PCDHGA6: variants seen among roughly 807,000 people sequenced by gnomAD.
The protein encoded by PCDHGA6 is protocadherin gamma subfamily A, 6.
PCDHGA6 carries 41 observed loss-of-function variants against 60.6 expected under a neutral mutation model. The observed-to-expected ratio is 0.68, with a 90% CI of 0.53 to 0.88. PCDHGA6 has a LOEUF of 0.88. PCDHGA6 is among the 40% of genes least tolerant of loss of function. PCDHGA6 has a pLI of 0.00. For synonymous variants in PCDHGA6, 594 were observed against 524.4 expected, an observed-to-expected ratio of 1.13 and a Z score of -1.81; for missense variants, 1,312 against 1,203.0, an observed-to-expected ratio of 1.09 and a Z score of -1.34.
At chr5:141,497,468 G>A (rs912445126) in intron 2 of PCDHGA6, among the ~76,000 whole-genome samples, 10 of 151,996 alleles carry the variant, frequency 6.6e-5, no homozygotes, top group African/African-American at 2.4e-4. Flanking sequence ...GAGATATGGA[G>A]GAGAAGGTGC....
At chr5:141,484,873 G>A (rs754469397) in intron 1 of PCDHGA6, 50 of 322,006 alleles carry the variant, frequency 1.6e-4, no homozygotes, top group Non-Finnish European at 2.5e-4. Flanking sequence ...GAGCGTGGAG[G>A]ATAGGGTGGG....
intron 1 of PCDHGA6, chr5:141,389,392 T>C (rs1258153986): frequency 1.9e-6 from 3 of 1,613,686 alleles, no homozygotes; most frequent in Non-Finnish European, 2.5e-6. Flanking sequence ...TCATCCTACG[T>C]GTCCATAAGC....
intron 1 of PCDHGA6, chr5:141,398,967 C>T: frequency 6.2e-7 from 1 of 1,613,942 alleles, no homozygotes; most frequent in Non-Finnish European, 8.5e-7. Flanking sequence ...TTACTTATTC[C>T]TTCTACAGAA....
chr5:141,413,298 G>A (rs1672233901), intron 1 of PCDHGA6: 3 of 1,613,950 alleles, frequency 1.9e-6, no homozygotes, highest in Non-Finnish European at 2.5e-6. Context: ...CAATTCCTGA[G>A]GAATTAGAGA....
At position 141,491,290 on chromosome 5, in the gene PCDHGA6, C is replaced by T. The variant is rs747758229; in HGVS notation, c.2425-3517C>T. Reference sequence around the variant, plus strand: ...CAAATCCAGTGACTTCCTCATACACCCTCCTGAGCGTTCAGACCTTACCCT... The same window carrying T: ...CAAATCCAGTGACTTCCTCATACACTCTCCTGAGCGTTCAGACCTTACCCT... On this transcript the variant is annotated intron_variant, in intron 1 of 3. Coordinates refer to ENST00000517434, the MANE Select transcript of PCDHGA6 (RefSeq NM_018919.3). The surrounding 1 kb of genome is among the most constrained non-coding windows in gnomAD (Gnocchi z 6.9). 6.2e-7 allele frequency: 1 copy of T among 1,613,974 alleles called. No homozygotes were observed. Among genetic ancestry groups the T allele is most frequent in the Non-Finnish European group, 8.5e-7 (1 of 1,179,952 alleles).
At position 141,395,542 on chromosome 5, in the gene PCDHGA6, T is replaced by TTG. The variant is rs55729045; in HGVS notation, c.2424+19083_2424+19084dup. On this transcript the variant is annotated intron_variant, in intron 1 of 3. Transcript: ENST00000517434. ...TCCATACTGGTAATTTTGCTATTGT[T>TTG]TGTGTGTGTGTGTGTGTGTGTGTGT... 1.5e-3 allele frequency: 267 copies of TTG among 172,614 alleles called. 1 individual carries two copies. The highest frequency in any genetic ancestry group is 2.3e-3 in the African/African-American group (40 of 17,550). The allele number at this position is 172,614 out of a possible 1,614,324, so 10.7% of individuals were successfully genotyped here.
At chr5:141,405,334 T>C in intron 1 of PCDHGA6, 1 of 1,614,196 alleles carries the variant, frequency 6.2e-7, no homozygotes. Flanking sequence ...TGTGCGTCTC[T>C]GTTGATTCCA....
In PCDHGA6 at chr5:141,476,780, C is replaced by T. The variant is rs201463036; in HGVS notation, c.2425-18027C>T. On this transcript the variant is annotated intron_variant, in intron 1 of 3. Transcript: ENST00000517434. This position sits in a 1 kb window ranked among gnomAD's most constrained non-coding sequence, Gnocchi z 7.6. ...GCTGACGGCGTTGGACGGAGGGACCCCAGCTCTCTCCGCCAGCCTGCCTAT... is the reference window on the plus strand; with the variant it reads ...GCTGACGGCGTTGGACGGAGGGACCTCAGCTCTCTCCGCCAGCCTGCCTAT... 234 of 1,613,464 alleles carry T rather than the reference C, an allele frequency of 1.5e-4. No individual in the cohort carries two copies. Among genetic ancestry groups the T allele is most frequent in the Non-Finnish European group, 1.9e-4 (227 of 1,180,026 alleles).
rs537087639 is a variant in PCDHGA6 at position 141,510,502 on chromosome 5, G to A, written c.2573-445G>A. 3.3e-5 allele frequency among the ~76,000 whole-genome samples: 5 copies of A among 152,296 alleles called. No homozygotes were observed. The South Asian group carries it at 6.2e-4, about 19-fold the overall frequency. ...CTTGAGAAAGCCAGGGCAAGGAACTGAGAGCCCGTGTCACAGCCCTGAGAG... is the reference window on the plus strand; with the variant it reads ...CTTGAGAAAGCCAGGGCAAGGAACTAAGAGCCCGTGTCACAGCCCTGAGAG... On this transcript the variant is annotated intron_variant, in intron 3 of 3. Coordinates refer to ENST00000517434, the MANE Select transcript of PCDHGA6 (RefSeq NM_018919.3).
intron 1 of PCDHGA6, chr5:141,422,560 G>T (rs2096656228): frequency 6.2e-7 from 1 of 1,614,032 alleles, no homozygotes; most frequent in East Asian, 2.2e-5. Context: ...GAATGTGGCA[G>T]ATGACAACGA....
chr5:141,431,355 C>T lies in PCDHGA6; in HGVS notation c.2424+54848C>T. 1 of 1,614,054 alleles carries T rather than the reference C, an allele frequency of 6.2e-7. No homozygotes were observed. Among genetic ancestry groups the T allele is most frequent in the South Asian group, 1.1e-5 (1 of 91,082 alleles). ...TACCCCGAATTGGTGCTGAAACGCG[C>T]CCTGGACCGCGAAGAAAAGGCTGCT... On this transcript the variant is annotated intron_variant, in intron 1 of 3. Transcript: ENST00000517434. The surrounding 1 kb of genome is among the most constrained non-coding windows in gnomAD (Gnocchi z 4.8).
intron 1 of PCDHGA6, among the ~76,000 whole-genome samples, chr5:141,461,557 C>T (rs2154567400): frequency 6.6e-6 from 1 of 152,122 alleles, no homozygotes; most frequent in East Asian, 1.9e-4. Context: ...CAGATGTGTA[C>T]TTTGCAAAGA....
At chr5:141,403,092 A>C in intron 1 of PCDHGA6, 4 of 1,614,086 alleles carry the variant, frequency 2.5e-6, no homozygotes, top group Non-Finnish European at 3.4e-6. Flanking sequence ...ATTGTGGGCA[A>C]CATCTCCAAG....
chr5:141,486,909 C>T lies in PCDHGA6; in HGVS notation c.2425-7898C>T, dbSNP rs759702188. ...CGGCCTGGTTCCTTATGTCCCCAAGCACTGCCTCCATCAGTTGGTGCTGGC... is the reference window on the plus strand; with the variant it reads ...CGGCCTGGTTCCTTATGTCCCCAAGTACTGCCTCCATCAGTTGGTGCTGGC... On this transcript the variant is annotated intron_variant, in intron 1 of 3. Transcript: ENST00000517434. This position sits in a 1 kb window ranked among gnomAD's most constrained non-coding sequence, Gnocchi z 5.0. 2 of 1,614,262 alleles carry T rather than the reference C, an allele frequency of 1.2e-6. No homozygotes were observed. Among genetic ancestry groups the T allele is most frequent in the Non-Finnish European group, 1.7e-6 (2 of 1,180,054 alleles).
In PCDHGA6 at chr5:141,476,504, G is replaced by A; in HGVS notation, c.2425-18303G>A. On this transcript the variant is annotated intron_variant, in intron 1 of 3. Coordinates refer to ENST00000517434, the MANE Select transcript of PCDHGA6 (RefSeq NM_018919.3). This position sits in a 1 kb window ranked among gnomAD's most constrained non-coding sequence, Gnocchi z 7.6. ...GGAAGTGGTGATCCAGGACATCAAC[G>A]ACAACAATCCTGCTTTCCCTACCCA... The A allele has an allele frequency of 6.2e-7, 1 of 1,614,098 alleles. No individual in the cohort carries two copies. The highest frequency in any genetic ancestry group is 2.2e-5 in the East Asian group (1 of 44,854).
At chr5:141,427,861 T>G (rs776215800) in intron 1 of PCDHGA6, 2 of 1,556,958 alleles carry the variant, frequency 1.3e-6, no homozygotes, top group Admixed American at 1.7e-5. Flanking sequence ...CTGTGCGCCT[T>G]CGAGCTCACG....
chr5:141,400,229 T>C lies in PCDHGA6; in HGVS notation c.2424+23722T>C, dbSNP rs370433551. ...GCCTTGATCTCAGTGCTCTTCCTCCTGGCCGTGATTCTGGCCGTTGCCTTG... is the reference window on the plus strand; with the variant it reads ...GCCTTGATCTCAGTGCTCTTCCTCCCGGCCGTGATTCTGGCCGTTGCCTTG... On this transcript the variant is annotated intron_variant, in intron 1 of 3. Transcript: ENST00000517434. 3.1e-6 allele frequency: 5 copies of C among 1,613,872 alleles called. No individual in the cohort carries two copies. In the African/African-American group the frequency reaches 4.0e-5, roughly 13 times the overall value.
chr5:141,400,343 A>G, intron 1 of PCDHGA6: 1 of 1,614,026 alleles, frequency 6.2e-7, no homozygotes, highest in South Asian at 1.1e-5. Context: ...CCCCCCAACT[A>G]CAGTCAGGGG....
rs1207371456 is a variant in PCDHGA6 at position 141,487,371 on chromosome 5, G to A, written c.2425-7436G>A. On this transcript the variant is annotated intron_variant, in intron 1 of 3. Transcript: ENST00000517434. The surrounding 1 kb of genome is among the most constrained non-coding windows in gnomAD (Gnocchi z 5.0). ...TGCTTTCCTGCTGGCACCTGTGCCT[G>A]TCTCACCAGATCTCGAAGGAGGGAG... The A allele has an allele frequency of 4.3e-6, 7 of 1,614,076 alleles. No individual in the cohort carries two copies. In the Admixed American group the frequency reaches 5.0e-5, roughly 12 times the overall value.
Sources: allele counts gnomAD v4.1 joint callset (sites outside exome capture counted in the v4.1 genomes callset), GRCh38; gene constraint gnomAD v4.1.1; non-coding constraint Gnocchi (gnomAD v3.1); transcripts MANE v1.5; gene names NCBI Gene and HGNC (gene_info 2026-07-23, HGNC 2026-07-21).